MRTFA: variants seen among roughly 807,000 people sequenced by gnomAD.
MRTFA encodes the protein myocardin related transcription factor A.
A neutral mutation model predicts 83.5 loss-of-function variants in MRTFA; 20 were observed. The ratio of observed to expected loss-of-function variants is 0.24; its 90% CI spans 0.17 to 0.35. The LOEUF is 0.35. Among genes scored for constraint, MRTFA ranks in the 10% least tolerant of loss-of-function variants. The pLI is 1.00. For synonymous variants in MRTFA, 659 were observed against 541.2 expected (o/e 1.22, Z -3.02); for missense variants, 1,200 against 1,224.7 (o/e 0.98, Z 0.30).
At chr22:40,457,516 AAGAG>A (rs1234327893) in intron 4 of MRTFA, among the ~76,000 whole-genome samples, 3 of 150,220 alleles carry the variant, frequency 2.0e-5, no homozygotes, top group African/African-American at 4.9e-5. Flanking sequence ...AAGAAAGAAA[AAGAG>A]AGAGAGATAT....
At chr22:40,446,382 G>A (rs1205342108) in intron 4 of MRTFA, among the ~76,000 whole-genome samples, 1 of 152,212 alleles carries the variant, frequency 6.6e-6, no homozygotes, top group Non-Finnish European at 1.5e-5. Context: ...TGGGTGAATG[G>A]TTGTGCTATT....
In MRTFA at chr22:40,410,514, G is replaced by A. The variant is rs116654628; in HGVS notation, c.*876C>T. On this transcript the variant is annotated 3_prime_UTR_variant, in exon 15 of 15. Transcript: ENST00000355630. ...CTGGCTGCAGTGAGGCGGCGGGGAC[G>A]GAATGTGAGTGGGTGGAGAGCTCCT... 3.1e-3 allele frequency: 713 copies of A among 233,354 alleles called. 3 individuals carry two copies. Among genetic ancestry groups the A allele is most frequent in the African/African-American group, 0.013 (607 of 45,430 alleles). The allele number at this position is 233,354 out of a possible 1,614,324, so 14.5% of individuals were successfully genotyped here. A position where few individuals can be genotyped will look rare whatever the true frequency, so the allele number is the denominator to read the frequency against.
intron 1 of MRTFA, among the ~76,000 whole-genome samples, chr22:40,634,547 T>G (rs923912614): frequency 2.0e-5 from 3 of 152,126 alleles, no homozygotes; most frequent in African/African-American, 7.2e-5. Flanking sequence ...GGATTTAGAG[T>G]GTATTTCAGC....
intron 3 of MRTFA, among the ~76,000 whole-genome samples, chr22:40,504,628 CA>C (rs2054551086): frequency 6.6e-6 from 1 of 152,128 alleles, no homozygotes; most frequent in African/African-American, 2.4e-5. Context: ...TTCACCCACA[CA>C]AATGTAAGCA....
At chr22:40,530,092 T>C (rs185506026) in intron 3 of MRTFA, among the ~76,000 whole-genome samples, 2 of 152,340 alleles carry the variant, frequency 1.3e-5, no homozygotes, top group Admixed American at 1.3e-4. Context: ...ACAAGTGAAT[T>C]CTGTCCTGCT....
intron 1 of MRTFA, among the ~76,000 whole-genome samples, chr22:40,597,656 C>T (rs138791908): frequency 7.0e-4 from 107 of 152,248 alleles, no homozygotes; most frequent in East Asian, 6.4e-3. Context: ...TTTTCTCTGC[C>T]GAAAGCAGAG....
intron 4 of MRTFA, among the ~76,000 whole-genome samples, chr22:40,441,125 A>C (rs990700751): frequency 6.6e-6 from 1 of 152,250 alleles, no homozygotes; most frequent in Non-Finnish European, 1.5e-5. Flanking sequence ...ATATATATTC[A>C]ATATCAGAGG....
chr22:40,587,001 G>T, intron 2 of MRTFA: 1 of 470,124 alleles, frequency 2.1e-6, no homozygotes, highest in Non-Finnish European at 4.3e-6. Flanking sequence ...GCAAAGCCTG[G>T]TGTTGCAGAG....
At chr22:40,462,628 A>G (rs1270382267) in intron 4 of MRTFA, among the ~76,000 whole-genome samples, 1 of 152,180 alleles carries the variant, frequency 6.6e-6, no homozygotes, top group African/African-American at 2.4e-5. Flanking sequence ...TACTTCTAAC[A>G]GATTCCAAGG....
chr22:40,434,168 A>AGC (rs2053122707), intron 5 of MRTFA, among the ~76,000 whole-genome samples: 1 of 152,200 alleles, frequency 6.6e-6, no homozygotes, highest in Non-Finnish European at 1.5e-5. Flanking sequence ...CTATTTGAGA[A>AGC]GCAGTCAAGT....
Position 40,418,650 on chromosome 22 carries a change from T to C in MRTFA, c.2088A>G (p.Pro696=). Residue 696 remains proline, a synonymous_variant, in exon 12 of 15, where the codon CCA becomes CCG. Coordinates refer to ENST00000355630, the MANE Select transcript of MRTFA (RefSeq NM_020831.6). The stretch of plus-strand genomic sequence containing the variant: ...CTGGGGCCGCCAGGCTGGGGTTGAA[T>C]GGGTGAGCGGGGCCCAGGGGCTGCT... 7.1e-7 allele frequency: 1 copy of C among 1,403,068 alleles called. No individual in the cohort carries two copies. The highest frequency in any genetic ancestry group is 9.3e-7 in the Non-Finnish European group (1 of 1,075,568). The allele number at this position is 1,403,068 out of a possible 1,614,324, so 86.9% of individuals were successfully genotyped here. A position where few individuals can be genotyped will look rare whatever the true frequency, so the allele number is the denominator to read the frequency against.
intron 3 of MRTFA, chr22:40,519,703 G>T: frequency 1.1e-6 from 1 of 917,814 alleles, no homozygotes. Context: ...CCACTCATGG[G>T]TTCTGAAAAG....
intron 4 of MRTFA, among the ~76,000 whole-genome samples, chr22:40,458,270 G>A (rs763284044): frequency 2.0e-5 from 3 of 152,184 alleles, no homozygotes; most frequent in Non-Finnish European, 4.4e-5. Context: ...CGTTAAATTT[G>A]AAACTTATGT....
At chr22:40,547,165 TA>T (rs1456996770) in intron 3 of MRTFA, among the ~76,000 whole-genome samples, 2 of 151,376 alleles carry the variant, frequency 1.3e-5, no homozygotes, top group Non-Finnish European at 2.9e-5. Flanking sequence ...AAAAAATATA[TA>T]TAAAATAAAA....
chr22:40,554,564 T>G (rs1018770037), intron 2 of MRTFA, among the ~76,000 whole-genome samples: 42 of 152,302 alleles, frequency 2.8e-4, no homozygotes, highest in Non-Finnish European at 1.6e-4. Flanking sequence ...GACTGTAAGT[T>G]TCCTGAGGCC....
chr22:40,536,241 T>C (rs2055170795), intron 3 of MRTFA, among the ~76,000 whole-genome samples: 1 of 151,912 alleles, frequency 6.6e-6, no homozygotes, highest in Admixed American at 6.6e-5. Flanking sequence ...AGTTCCAGGC[T>C]ACAGTGAGCT....
chr22:40,571,190 GGAGT>G (rs1414111518), intron 2 of MRTFA, among the ~76,000 whole-genome samples: 2 of 151,892 alleles, frequency 1.3e-5, no homozygotes, highest in Admixed American at 6.6e-5. Context: ...ATGGGCGACA[GGAGT>G]GAGACCCTCT....
At chr22:40,593,918 T>A (rs781177814) in intron 2 of MRTFA, among the ~76,000 whole-genome samples, 1 of 152,230 alleles carries the variant, frequency 6.6e-6, no homozygotes, top group Non-Finnish European at 1.5e-5. Context: ...AACATACTTA[T>A]GGTGGTAGAA....
chr22:40,595,286 AT>A (rs893782427), intron 1 of MRTFA, among the ~76,000 whole-genome samples: 3 of 149,800 alleles, frequency 2.0e-5, no homozygotes, highest in East Asian at 2.0e-4. Flanking sequence ...ACGTCGGGCT[AT>A]TTTTTTTTGT....
Sources: gnomAD v4.1 joint callset for allele counts (sites outside exome capture counted in the v4.1 genomes callset) on GRCh38, gnomAD v4.1.1 for gene constraint, MANE v1.5 for transcripts, NCBI Gene and HGNC (gene_info 2026-07-23, HGNC 2026-07-21) for gene names.